Variants in APP observed in about 807,000 individuals in gnomAD.
APP encodes amyloid-beta precursor protein.
Under a neutral mutation model 101.4 loss-of-function variants are expected in APP, and 31 were observed. The ratio of observed to expected loss-of-function variants is 0.31; its 90% confidence interval spans 0.23 to 0.41. APP has a LOEUF of 0.41. Among genes scored for constraint, APP ranks in the 10% least tolerant of loss-of-function variants. APP has a pLI of 1.00. For missense variants in APP, 839 were observed against 1,003.7 expected, an observed-to-expected ratio of 0.84 and a Z score of 2.22; for synonymous variants, 366 against 364.4, an observed-to-expected ratio of 1.00 and a Z score of -0.05.
In APP at chr21:25,910,664, A is replaced by G. The variant is rs1176564624; in HGVS notation, c.1909+1077T>C. Among the ~76,000 whole-genome samples, 4 of 152,260 alleles carry G rather than the reference A, an allele frequency of 2.6e-5. No individual in the cohort carries two copies. In the East Asian group the frequency reaches 7.7e-4, roughly 29 times the overall value. On this transcript the variant is annotated intron_variant, in intron 14 of 17. Transcript: ENST00000346798. Reference sequence around the variant, plus strand: ...ATCCCTGTGAAAAAGGATGCCATCTACTGCTCAAATTTGTTGATAGAGAAG... The same window carrying G: ...ATCCCTGTGAAAAAGGATGCCATCTGCTGCTCAAATTTGTTGATAGAGAAG...
chr21:26,030,126 T>G (rs2044755085), intron 5 of APP, among the ~76,000 whole-genome samples: 1 of 152,150 alleles, frequency 6.6e-6, no homozygotes, highest in African/African-American at 2.4e-5. Context: ...AGCAACAATC[T>G]AAACAATACC....
At chr21:26,004,838 T>A (rs1601180317) in intron 6 of APP, among the ~76,000 whole-genome samples, 4 of 131,368 alleles carry the variant, frequency 3.0e-5, no homozygotes, top group African/African-American at 1.1e-4. Flanking sequence ...GTGTGTGATG[T>A]TCCCCGCCCT....
At chr21:26,069,563 T>G (rs564975232) in intron 3 of APP, among the ~76,000 whole-genome samples, 2 of 152,142 alleles carry the variant, frequency 1.3e-5, no homozygotes, top group African/African-American at 4.8e-5. Context: ...CCACATGCTT[T>G]TGATGCCCAG....
intron 11 of APP, among the ~76,000 whole-genome samples, chr21:25,969,217 G>A (rs951330379): frequency 2.7e-5 from 4 of 150,866 alleles, no homozygotes; most frequent in South Asian, 2.1e-4. Context: ...GCATGGTGGC[G>A]GGTGCCTGTA....
chr21:26,002,901 A>C (rs2043359413), intron 6 of APP, among the ~76,000 whole-genome samples: 1 of 152,234 alleles, frequency 6.6e-6, no homozygotes, highest in Non-Finnish European at 1.5e-5. Flanking sequence ...ATATTAAATA[A>C]AAGTGGTAGA....
chr21:25,952,240 C>T (rs1272814780), intron 13 of APP, among the ~76,000 whole-genome samples: 2 of 132,534 alleles, frequency 1.5e-5, no homozygotes, highest in Admixed American at 7.6e-5. Flanking sequence ...AGAGCACATA[C>T]GTAATATGTT....
At position 25,900,404 on chromosome 21, in the gene APP, AAAAAATT is replaced by A. The variant is rs2038373911; in HGVS notation, c.1964-2738_1964-2732del. Among the ~76,000 whole-genome samples the A allele has an allele frequency of 3.4e-5, 5 of 144,954 alleles. No homozygotes were observed. In the Admixed American group the frequency reaches 3.5e-4, roughly 10 times the overall value. On this transcript the variant is annotated intron_variant, in intron 15 of 17. Coordinates refer to ENST00000346798, the MANE Select transcript of APP (RefSeq NM_000484.4). ...AAAAAAAAAAAAAAAAAAAAAAAAAAAAAAATTAGCCAGGTGTGGTGGCGGGTGCCTG... is the reference window on the plus strand; with the variant it reads ...AAAAAAAAAAAAAAAAAAAAAAAAAAAGCCAGGTGTGGTGGCGGGTGCCTG...
Position 25,955,649 on chromosome 21 carries a change from T to G in APP, c.1565A>C (p.Lys522Thr). 1 of 1,614,156 alleles carries G rather than the reference T, an allele frequency of 6.2e-7. No individual in the cohort carries two copies. Among genetic ancestry groups the G allele is most frequent in the Non-Finnish European group, 8.5e-7 (1 of 1,180,022 alleles). ...TACCTGGGACCGGATCTGAGCGGCT[T>G]TCTTGGGATCCACCATGCGCACATG... ...FEHVRMVDPK[K>T]AAQIRSQVMT... Residue 522 changes from lysine to threonine, a missense_variant, in exon 12 of 18, where the codon AAA becomes ACA. Transcript: ENST00000346798.
chr21:25,907,681 G>T (rs1428936454), intron 14 of APP, among the ~76,000 whole-genome samples: 1 of 152,174 alleles, frequency 6.6e-6, no homozygotes, highest in Non-Finnish European at 1.5e-5. Context: ...GGATTTTTGA[G>T]TCTGTTACTT....
intron 13 of APP, among the ~76,000 whole-genome samples, chr21:25,952,128 GAT>G (rs1336227558): frequency 6.7e-6 from 1 of 150,338 alleles, no homozygotes; most frequent in Non-Finnish European, 1.5e-5. Context: ...TATTTAGAAT[GAT>G]ATATATGTCA....
rs772877282 is a variant in APP, at chr21:26,022,081, A to G, written c.663-39T>C. On this transcript the variant is annotated intron_variant, in intron 5 of 17. Coordinates refer to ENST00000346798, the MANE Select transcript of APP (RefSeq NM_000484.4). ...CACAAATAACAGAAAAAGTCAATTAAACACATTTCAGGGAAGGAAAAGAAA... is the reference window on the plus strand; with the variant it reads ...CACAAATAACAGAAAAAGTCAATTAGACACATTTCAGGGAAGGAAAAGAAA... 1.2e-5 allele frequency: 19 copies of G among 1,606,254 alleles called. No individual in the cohort carries two copies. The East Asian group carries it at 4.0e-4, about 34-fold the overall frequency.
chr21:25,917,261 CAA>C (rs397867177), intron 13 of APP, among the ~76,000 whole-genome samples: 33 of 64,584 alleles, frequency 5.1e-4, no homozygotes, highest in South Asian at 5.7e-4. Flanking sequence ...ACTCTGTCTC[CAA>C]AAAAAAAAAA....
At chr21:26,152,431 A>G (rs1210329891) in intron 1 of APP, among the ~76,000 whole-genome samples, 1 of 152,118 alleles carries the variant, frequency 6.6e-6, no homozygotes, top group African/African-American at 2.4e-5. Flanking sequence ...TTACCCATTC[A>G]GTAAACATTA....
chr21:26,109,901 T>TAA, intron 2 of APP, among the ~76,000 whole-genome samples: 1 of 152,306 alleles, frequency 6.6e-6, no homozygotes, highest in African/African-American at 2.4e-5. Context: ...TAAAAAAAGT[T>TAA]TATTTGACAC....
intron 9 of APP, among the ~76,000 whole-genome samples, chr21:25,976,801 G>C (rs906871751): frequency 6.6e-6 from 1 of 152,144 alleles, no homozygotes; most frequent in African/African-American, 2.4e-5. Context: ...AATGTTGAGG[G>C]GTAAGTCCTG....
At chr21:26,152,593 T>C (rs1313517282) in intron 1 of APP, among the ~76,000 whole-genome samples, 1 of 152,186 alleles carries the variant, frequency 6.6e-6, no homozygotes, top group Non-Finnish European at 1.5e-5. Context: ...CATATTTTTA[T>C]ATATTTTTAA....
intron 9 of APP, among the ~76,000 whole-genome samples, chr21:25,981,705 A>C (rs966740694): frequency 1.4e-5 from 2 of 145,020 alleles, no homozygotes; most frequent in African/African-American, 5.3e-5. Context: ...AACCAAACCA[A>C]AACAGGTTTT....
intron 15 of APP, among the ~76,000 whole-genome samples, chr21:25,900,549 G>A (rs1460961598): frequency 6.6e-6 from 1 of 151,928 alleles, no homozygotes; most frequent in Non-Finnish European, 1.5e-5. Flanking sequence ...GACAGAATGA[G>A]ACTCTGTCTC....
chr21:26,134,452 T>C (rs994047537), intron 1 of APP, among the ~76,000 whole-genome samples: 4 of 152,210 alleles, frequency 2.6e-5, no homozygotes, highest in Admixed American at 6.5e-5. Context: ...AATACTTGCT[T>C]ACATTCACCC....
Sources: allele counts gnomAD v4.1 joint callset (sites outside exome capture counted in the v4.1 genomes callset), GRCh38; gene constraint gnomAD v4.1.1; transcripts MANE v1.5; gene names NCBI Gene and HGNC (gene_info 2026-07-23, HGNC 2026-07-21).